L3MBTL4: variants seen among roughly 807,000 people sequenced by gnomAD.
The protein encoded by L3MBTL4 is lethal(3)malignant brain tumor-like protein 4.
L3MBTL4 carries 70 observed loss-of-function variants against 84.5 expected under a neutral mutation model. The observed-to-expected ratio is 0.83, with a 90% CI of 0.68 to 1.01. L3MBTL4 has a LOEUF of 1.01. Ranked by LOEUF, L3MBTL4 falls within the 50% of genes least tolerant of loss-of-function variation. The pLI is 0.00. For missense variants in L3MBTL4, 715 were observed against 754.8 expected, an observed-to-expected ratio of 0.95 and a Z score of 0.62; for synonymous variants, 274 against 259.8, an observed-to-expected ratio of 1.05 and a Z score of -0.52.
intron 16 of L3MBTL4, chr18:6,029,506 C>T (rs908974327): frequency 1.0e-6 from 1 of 982,386 alleles, no homozygotes; most frequent in Non-Finnish European, 1.2e-6. Context: ...ACAATCTTTC[C>T]ATACAGACAA....
chr18:6,191,312 C>T (rs1433866828), intron 12 of L3MBTL4, among the ~76,000 whole-genome samples: 1 of 152,012 alleles, frequency 6.6e-6, no homozygotes, highest in African/African-American at 2.4e-5. Flanking sequence ...AAGAGGCCTG[C>T]TTCTGTACAC....
At chr18:6,048,352 A>C (rs1403875518) in intron 16 of L3MBTL4, among the ~76,000 whole-genome samples, 1 of 152,154 alleles carries the variant, frequency 6.6e-6, no homozygotes, top group Non-Finnish European at 1.5e-5. Flanking sequence ...CAAACTACCA[A>C]TGTTATTTTT....
At chr18:6,361,166 T>C (rs2053677953) in intron 1 of L3MBTL4, among the ~76,000 whole-genome samples, 1 of 152,064 alleles carries the variant, frequency 6.6e-6, no homozygotes, top group Non-Finnish European at 1.5e-5. Context: ...GGGTGAAGCA[T>C]GTGATACCCA....
At chr18:6,221,305 AT>A (rs1252784996) in intron 10 of L3MBTL4, among the ~76,000 whole-genome samples, 1 of 150,388 alleles carries the variant, frequency 6.6e-6, no homozygotes, top group African/African-American at 2.5e-5. Context: ...TCATTGCTGT[AT>A]GACAAGCAGG....
intron 13 of L3MBTL4, among the ~76,000 whole-genome samples, chr18:6,169,349 A>C (rs1432574441): frequency 6.6e-6 from 1 of 152,214 alleles, no homozygotes; most frequent in Admixed American, 6.5e-5. Flanking sequence ...AAAGAATTAC[A>C]AAACATGCTG....
chr18:6,039,283 G>C (rs1183255897), intron 16 of L3MBTL4, among the ~76,000 whole-genome samples: 1 of 151,940 alleles, frequency 6.6e-6, no homozygotes, highest in Non-Finnish European at 1.5e-5. Context: ...TGCTATCTAG[G>C]ATTGCCTGTG....
chr18:6,043,562 C>T (rs758888057), intron 16 of L3MBTL4, among the ~76,000 whole-genome samples: 2 of 152,204 alleles, frequency 1.3e-5, no homozygotes, highest in African/African-American at 4.8e-5. Flanking sequence ...AATAAATAGG[C>T]TCTTAAGAGC....
intron 3 of L3MBTL4, 132 bp downstream of exon 3, chr18:6,311,422 C>A: frequency 1.4e-6 from 1 of 696,320 alleles, no homozygotes; most frequent in Admixed American, 2.1e-5. Context: ...ACACATAAAG[C>A]TCAAGCAGAA....
At chr18:6,262,218 G>A (rs1035813762) in intron 5 of L3MBTL4, among the ~76,000 whole-genome samples, 11 of 152,156 alleles carry the variant, frequency 7.2e-5, no homozygotes, top group Non-Finnish European at 1.3e-4. Flanking sequence ...TGGCTCTGTG[G>A]CAAGGGCAGG....
intron 14 of L3MBTL4, among the ~76,000 whole-genome samples, chr18:6,117,632 T>C (rs2059398383): frequency 6.6e-6 from 1 of 152,214 alleles, no homozygotes; most frequent in Non-Finnish European, 1.5e-5. Flanking sequence ...AGCTGATCCT[T>C]CTGAACCTGT....
intron 16 of L3MBTL4, among the ~76,000 whole-genome samples, chr18:5,995,217 T>A (rs192753132): frequency 2.0e-5 from 3 of 152,370 alleles, no homozygotes; most frequent in Admixed American, 6.5e-5. Context: ...AAGGTAAAGA[T>A]GCAATCAAGG....
chr18:6,153,312 G>A (rs947991896), intron 13 of L3MBTL4, among the ~76,000 whole-genome samples: 6 of 152,120 alleles, frequency 3.9e-5, no homozygotes, highest in Non-Finnish European at 5.9e-5. Context: ...GTTTTGAGTA[G>A]TATGAATTTT....
In L3MBTL4 at chr18:6,213,159, T is replaced by C. The variant is rs571076108; in HGVS notation, c.971A>G (p.Gln324Arg). The change falls in exon 12 of 19, where the codon CAA (glutamine) becomes CGA (arginine). Residue 324 changes from glutamine to arginine, a missense_variant. By Grantham distance (43) the Gln-to-Arg change is conservative. Transcript: ENST00000317931. ...RVATIVDVDD[Q>R]RVKVHFDGWD... ...ATTTAAAATATGTACCTTTACTCTTTGGTCATCAACATCTACAATCGTAGC... is the reference window on the plus strand; with the variant it reads ...ATTTAAAATATGTACCTTTACTCTTCGGTCATCAACATCTACAATCGTAGC... 2.8e-5 allele frequency: 44 copies of C among 1,569,148 alleles called. 1 individual carries two copies. The South Asian group carries it at 4.2e-4, about 15-fold the overall frequency.
At chr18:6,240,269 A>C (rs1047618323) in intron 8 of L3MBTL4, among the ~76,000 whole-genome samples, 3 of 152,062 alleles carry the variant, frequency 2.0e-5, no homozygotes, top group African/African-American at 7.2e-5. Context: ...TATTTGAAAA[A>C]GTGGTGAAGA....
chr18:6,193,087 A>G (rs778269306), intron 12 of L3MBTL4, among the ~76,000 whole-genome samples: 1 of 152,074 alleles, frequency 6.6e-6, no homozygotes, highest in East Asian at 1.9e-4. Context: ...AGAAACTGCA[A>G]TCACAAAAAG....
At chr18:6,092,338 C>A (rs900857448) in intron 15 of L3MBTL4, among the ~76,000 whole-genome samples, 4 of 152,168 alleles carry the variant, frequency 2.6e-5, no homozygotes, top group African/African-American at 9.7e-5. Flanking sequence ...TAAACTGGCG[C>A]CCCCTTGAAG....
chr18:6,279,283 G>A (rs79658855), intron 4 of L3MBTL4, among the ~76,000 whole-genome samples: 4,515 of 152,134 alleles, frequency 0.03, 226 homozygotes, highest in African/African-American at 0.1. Context: ...AGACTGATAT[G>A]TCAGATTACA....
chr18:6,295,591 C>T (rs2050075600), intron 4 of L3MBTL4, among the ~76,000 whole-genome samples: 1 of 151,914 alleles, frequency 6.6e-6, no homozygotes, highest in Non-Finnish European at 1.5e-5. Context: ...AAACCAGTAT[C>T]AAGAGCAAAG....
At chr18:6,008,750 A>G (rs1029737337) in intron 16 of L3MBTL4, among the ~76,000 whole-genome samples, 3 of 152,198 alleles carry the variant, frequency 2.0e-5, no homozygotes, top group Non-Finnish European at 4.4e-5. Flanking sequence ...TGGATTTTGT[A>G]TAAATTCCTA....
Sources: gnomAD v4.1 joint callset for allele counts (sites outside exome capture counted in the v4.1 genomes callset) on GRCh38, gnomAD v4.1.1 for gene constraint, MANE v1.5 for transcripts, NCBI Gene and HGNC (gene_info 2026-07-23, HGNC 2026-07-21) for gene names.